ROBO2: variants seen among roughly 807,000 people sequenced by gnomAD.
The protein encoded by ROBO2 is roundabout guidance receptor 2.
ROBO2 carries 53 observed loss-of-function variants against 160.8 expected under a neutral mutation model. The observed-to-expected ratio is 0.33, with a 90% CI of 0.26 to 0.41. The LOEUF is 0.41. Ranked by LOEUF, ROBO2 falls within the 10% of genes least tolerant of loss-of-function variation. The probability of loss-of-function intolerance (pLI) is 1.00; values close to 1 mark genes in which losing one functional copy is unlikely to be tolerated. For missense variants in ROBO2, 1,577 were observed against 1,722.4 expected (o/e 0.92, Z 1.49); for synonymous variants, 664 against 611.7 (o/e 1.09, Z -1.26).
chr3:77,156,132 C>G (rs2077987732), intron 2 of ROBO2, among the ~76,000 whole-genome samples: 1 of 151,900 alleles, frequency 6.6e-6, no homozygotes, highest in African/African-American at 2.4e-5. Flanking sequence ...TCAACATCAT[C>G]CAAACCGAAC....
intron 2 of ROBO2, among the ~76,000 whole-genome samples, chr3:76,280,754 C>T (rs376299830): frequency 2.6e-4 from 40 of 152,124 alleles, no homozygotes; most frequent in Middle Eastern, 3.4e-3. Context: ...TCACCTGAAA[C>T]AGTGGGCTCT....
In ROBO2 at chr3:77,223,315, C is replaced by A. The variant is rs532438968; in HGVS notation, c.388+124975C>A. ...CTCAAGGTTTTTAATACAGTTACCT[C>A]AAAAATTCTGTGTGCAAAATAGTTA... On this transcript the variant is annotated intron_variant, in intron 2 of 25. Coordinates refer to ENST00000461745, the Ensembl canonical transcript of ROBO2. Among the ~76,000 whole-genome samples, 42 of 152,188 alleles carry A rather than the reference C, an allele frequency of 2.8e-4. No homozygotes were observed. In the South Asian group the frequency reaches 8.7e-3, roughly 32 times the overall value.
At chr3:77,101,497 G>A (rs559883072) in intron 2 of ROBO2, among the ~76,000 whole-genome samples, 2 of 152,254 alleles carry the variant, frequency 1.3e-5, no homozygotes, top group Admixed American at 6.5e-5. Context: ...TAGAGTTGAG[G>A]GGAGAGGTCT....
At chr3:76,261,780 G>A (rs549360195) in intron 2 of ROBO2, among the ~76,000 whole-genome samples, 1 of 151,942 alleles carries the variant, frequency 6.6e-6, no homozygotes, top group African/African-American at 2.4e-5. Flanking sequence ...TGATATACTT[G>A]ATATATTCTA....
At chr3:76,621,273 G>A (rs1265738870) in intron 2 of ROBO2, among the ~76,000 whole-genome samples, 1 of 152,004 alleles carries the variant, frequency 6.6e-6, no homozygotes, top group Non-Finnish European at 1.5e-5. Context: ...TTGTAAATAA[G>A]TATTGCTGTG....
chr3:76,304,747 C>CTTCCTTCTTTCTTTCTTTCT (rs1553700107), intron 2 of ROBO2, among the ~76,000 whole-genome samples: 4 of 101,626 alleles, frequency 3.9e-5, no homozygotes, highest in Admixed American at 1.9e-4. Context: ...CTTTTCTTTC[C>CTTCCTTCTTTCTTTCTTTCT]TTCTTTCTTT....
chr3:77,131,545 T>C (rs962743485), intron 2 of ROBO2, among the ~76,000 whole-genome samples: 3 of 152,112 alleles, frequency 2.0e-5, no homozygotes, highest in Non-Finnish European at 4.4e-5. Context: ...TAAAAAGAGA[T>C]TGGAGATCCT....
At chr3:77,406,392 C>T (rs973195104) in intron 2 of ROBO2, among the ~76,000 whole-genome samples, 4 of 152,106 alleles carry the variant, frequency 2.6e-5, no homozygotes, top group Admixed American at 2.0e-4. Flanking sequence ...TGCTATCTTA[C>T]GTACTTATTT....
chr3:76,103,069 C>T (rs1045016653), intron 2 of ROBO2, among the ~76,000 whole-genome samples: 12 of 151,990 alleles, frequency 7.9e-5, no homozygotes, highest in African/African-American at 2.9e-4. Flanking sequence ...GTGATCCGCC[C>T]GCCTCGGCCT....
At chr3:76,820,342 C>T (rs1341673152) in intron 2 of ROBO2, among the ~76,000 whole-genome samples, 1 of 151,988 alleles carries the variant, frequency 6.6e-6, no homozygotes, top group East Asian at 1.9e-4. Flanking sequence ...TAACTTTCTA[C>T]TTGAATCAAT....
At chr3:76,638,467 A>G (rs115323248) in intron 2 of ROBO2, among the ~76,000 whole-genome samples, 2,646 of 152,248 alleles carry the variant, frequency 0.017, 83 homozygotes, top group African/African-American at 0.058. Context: ...TAAAATTGTT[A>G]ACATAGAAAA....
chr3:76,394,944 A>C (rs2077352573), intron 2 of ROBO2, among the ~76,000 whole-genome samples: 1 of 152,106 alleles, frequency 6.6e-6, no homozygotes, highest in Non-Finnish European at 1.5e-5. Context: ...AAGGATATCC[A>C]GGAACTGAAC....
rs541076702 is a variant in ROBO2, at chr3:76,769,323, G to A, written c.110-328691G>A. On this transcript the variant is annotated intron_variant, in intron 2 of 26. Coordinates refer to the ROBO2 transcript ENST00000487694. ...TTCTGATTAAGTAGATCTAGAGTGG[G>A]GTCAGAGAGTCTGTATTTGTAAATC... Among the ~76,000 whole-genome samples, 21 of 150,902 alleles carry A rather than the reference G, an allele frequency of 1.4e-4. No homozygotes were observed. In the South Asian group the frequency reaches 4.2e-3, roughly 30 times the overall value.
chr3:76,008,709 C>A (rs1055084394), intron 2 of ROBO2, among the ~76,000 whole-genome samples: 1 of 142,884 alleles, frequency 7.0e-6, no homozygotes, highest in Non-Finnish European at 1.5e-5. Flanking sequence ...CTATCTTGTC[C>A]TTCCTTGTTA....
At chr3:76,721,849 G>A (rs1268246879) in intron 2 of ROBO2, among the ~76,000 whole-genome samples, 1 of 152,146 alleles carries the variant, frequency 6.6e-6, no homozygotes, top group Admixed American at 6.5e-5. Flanking sequence ...GACACCCAGT[G>A]TGTTACAATT....
intron 13 of ROBO2, among the ~76,000 whole-genome samples, chr3:77,574,032 G>A (rs1053503193): frequency 6.6e-6 from 1 of 151,936 alleles, no homozygotes; most frequent in Admixed American, 6.6e-5. Flanking sequence ...CCCAAAACAT[G>A]TGTTTTGATT....
intron 1 of ROBO2, among the ~76,000 whole-genome samples, chr3:77,055,587 A>C (rs1305689191): frequency 6.6e-6 from 1 of 152,212 alleles, no homozygotes; most frequent in East Asian, 1.9e-4. Context: ...ATAAAGAGTT[A>C]GAGAAAAATA....
chr3:76,800,499 A>G (rs1006197086), intron 2 of ROBO2, among the ~76,000 whole-genome samples: 14 of 152,342 alleles, frequency 9.2e-5, no homozygotes, highest in African/African-American at 3.4e-4. Context: ...ACCAGAATAT[A>G]TAAGGAGCTC....
chr3:75,962,351 A>C (rs1948946919), intron 2 of ROBO2, among the ~76,000 whole-genome samples: 1 of 151,816 alleles, frequency 6.6e-6, no homozygotes, highest in Non-Finnish European at 1.5e-5. Flanking sequence ...TTATATGTAA[A>C]GGGGAAAAAC....
Sources: gnomAD v4.1 joint callset for allele counts (sites outside exome capture counted in the v4.1 genomes callset) on GRCh38, gnomAD v4.1.1 for gene constraint, MANE v1.5 for transcripts, NCBI Gene and HGNC (gene_info 2026-07-23, HGNC 2026-07-21) for gene names.